RHOH: variants seen among roughly 807,000 people sequenced by gnomAD.
The protein encoded by RHOH is rho-related GTP-binding protein RhoH.
RHOH carries 6 observed loss-of-function variants against 13.8 expected under a neutral mutation model. The ratio of observed to expected loss-of-function variants is 0.44; its 90% CI spans 0.24 to 0.86. The LOEUF is 0.86. Among genes scored for constraint, RHOH ranks in the 40% least tolerant of loss-of-function variants. The pLI, the probability that RHOH is intolerant of heterozygous loss-of-function variation, is 0.24. For synonymous variants in RHOH, 117 were observed against 103.0 expected, an observed-to-expected ratio of 1.14 and a Z score of -0.82; for missense variants, 147 against 244.5, an observed-to-expected ratio of 0.60 and a Z score of 2.66.
chr4:40,232,764 C>A (rs1214459596), intron 1 of RHOH, among the ~76,000 whole-genome samples: 1 of 152,188 alleles, frequency 6.6e-6, no homozygotes, highest in Non-Finnish European at 1.5e-5. Context: ...CCTCCCTGAA[C>A]TTCTTCTACT....
intron 1 of RHOH, among the ~76,000 whole-genome samples, chr4:40,241,783 G>A (rs189594406): frequency 3.7e-4 from 56 of 152,264 alleles, no homozygotes; most frequent in Non-Finnish European, 7.8e-4. Context: ...CCAGCTACTC[G>A]GGAGGCTGAG....
chr4:40,195,454 T>C (rs1579210309), upstream of RHOH, among the ~76,000 whole-genome samples: 2 of 149,860 alleles, frequency 1.3e-5, no homozygotes, highest in East Asian at 4.0e-4. Flanking sequence ...CTTCCCTCCT[T>C]CTGTCTGTCC....
At chr4:40,191,439 A>G (rs1009099720), upstream of RHOH, 1 of 152,176 alleles carries the variant, frequency 6.6e-6, no homozygotes, top group Non-Finnish European at 1.5e-5. Context: ...TCTCTCAAGG[A>G]TATTGTAAAA....
chr4:40,228,578 A>T (rs953689467), intron 1 of RHOH, among the ~76,000 whole-genome samples: 7 of 151,998 alleles, frequency 4.6e-5, no homozygotes, highest in Non-Finnish European at 7.4e-5. Flanking sequence ...GATGGGGGGA[A>T]CCTTGAGATG....
At chr4:40,203,174 G>A (rs770212371) in intron 1 of RHOH, among the ~76,000 whole-genome samples, 133 of 152,182 alleles carry the variant, frequency 8.7e-4, no homozygotes, top group Non-Finnish European at 1.3e-3. Flanking sequence ...GAGTTTCACC[G>A]TGTTAGCCAG....
In RHOH at chr4:40,218,142, C is replaced by G. The variant is rs1407878748; in HGVS notation, c.-331+20842C>G. ...GACCCACGGCTGCCTTTTTGTCCGG[C>G]AAAGCACGAGGATGCTTTGGAGAAC... On this transcript the variant is annotated intron_variant, in intron 1 of 2. Transcript: ENST00000381799. The surrounding 1 kb of genome is among the most constrained non-coding windows in gnomAD (Gnocchi z 4.1). 2 of 152,158 alleles carry G rather than the reference C, an allele frequency of 1.3e-5. No individual in the cohort carries two copies. Among genetic ancestry groups the G allele is most frequent in the Admixed American group, 1.3e-4 (2 of 15,268 alleles). 9.4% of individuals were successfully genotyped at this position (152,158 alleles called of 1,614,324 possible). A position where few individuals can be genotyped will look rare whatever the true frequency, so the allele number is the denominator to read the frequency against.
rs1220322065 is a variant in RHOH, at chr4:40,246,654, G to A, written c.*2692G>A. ...GGCTCAGCACAGGGAAGGCAATGGA[G>A]GTAAAGTTGTGTTAAACTGAAATGG... On this transcript the variant is annotated 3_prime_UTR_variant, in exon 3 of 3. Coordinates refer to ENST00000381799, the MANE Select transcript of RHOH (RefSeq NM_004310.5). 1 of 152,304 alleles carries A rather than the reference G, an allele frequency of 6.6e-6. No homozygotes were observed. Among genetic ancestry groups the A allele is most frequent in the Non-Finnish European group, 1.5e-5 (1 of 68,116 alleles). 9.4% of individuals were successfully genotyped at this position (152,304 alleles called of 1,614,324 possible). A position where few individuals can be genotyped will look rare whatever the true frequency, so the allele number is the denominator to read the frequency against.
At chr4:40,236,562 A>G (rs7654725) in intron 1 of RHOH, among the ~76,000 whole-genome samples, 30,825 of 151,972 alleles carry the variant, frequency 0.2, 3,898 homozygotes, top group African/African-American at 0.36. Context: ...AAGCTGAGGC[A>G]GGTGAATCAC....
In RHOH at chr4:40,232,687, C is replaced by T. The variant is rs548007606; in HGVS notation, c.-330-10027C>T. 1.6e-4 allele frequency among the ~76,000 whole-genome samples: 24 copies of T among 152,236 alleles called. No individual in the cohort carries two copies. The South Asian group carries it at 4.6e-3, about 29-fold the overall frequency. On this transcript the variant is annotated intron_variant, in intron 1 of 2. Coordinates refer to ENST00000381799, the MANE Select transcript of RHOH (RefSeq NM_004310.5). ...GGCAACCTTGGATTGTATAAAATCACAGGCTCATCTCCCATAATCCCTCCA... is the reference window on the plus strand; with the variant it reads ...GGCAACCTTGGATTGTATAAAATCATAGGCTCATCTCCCATAATCCCTCCA...
At chr4:40,227,587 G>C (rs1264285550) in intron 1 of RHOH, among the ~76,000 whole-genome samples, 1 of 152,112 alleles carries the variant, frequency 6.6e-6, no homozygotes, top group Non-Finnish European at 1.5e-5. Context: ...TTTACATTCT[G>C]TTTAGGGTTT....
At chr4:40,225,050 A>G (rs1727054796) in intron 1 of RHOH, among the ~76,000 whole-genome samples, 1 of 152,208 alleles carries the variant, frequency 6.6e-6, no homozygotes, top group Non-Finnish European at 1.5e-5. Flanking sequence ...CTAAGGCTAC[A>G]GGTACATGCT....
intron 1 of RHOH, among the ~76,000 whole-genome samples, chr4:40,210,089 C>CGTGCGTGT (rs1553933900): frequency 2.7e-5 from 4 of 145,458 alleles, no homozygotes; most frequent in African/African-American, 7.6e-5. Context: ...ACATTGTGTG[C>CGTGCGTGT]GTGTGTGTGT....
intron 1 of RHOH, among the ~76,000 whole-genome samples, chr4:40,202,584 C>T (rs1445676479): frequency 2.6e-5 from 4 of 152,222 alleles, no homozygotes; most frequent in African/African-American, 7.2e-5. Flanking sequence ...TACCTTTAAC[C>T]GGTAGATGTT....
At chr4:40,217,362 G>A (rs1201266819) in intron 1 of RHOH, among the ~76,000 whole-genome samples, 2 of 152,116 alleles carry the variant, frequency 1.3e-5, no homozygotes, top group African/African-American at 2.4e-5. Flanking sequence ...AGGATCATGC[G>A]ATTTTATTTT....
At chr4:40,197,782 T>A (rs566594814) in intron 1 of RHOH, among the ~76,000 whole-genome samples, 1 of 152,356 alleles carries the variant, frequency 6.6e-6, no homozygotes. Flanking sequence ...TTAATGACCA[T>A]TTCCCAAAAG....
At chr4:40,224,973 G>C (rs761347231) in intron 1 of RHOH, among the ~76,000 whole-genome samples, 2 of 152,114 alleles carry the variant, frequency 1.3e-5, no homozygotes, top group Admixed American at 6.5e-5. Context: ...GCAGTGTTGT[G>C]ATCATGGCTC....
At chr4:40,197,828 A>G (rs1263588274) in intron 1 of RHOH, among the ~76,000 whole-genome samples, 1 of 152,210 alleles carries the variant, frequency 6.6e-6, no homozygotes, top group Admixed American at 6.5e-5. Flanking sequence ...TTTTAATTAA[A>G]TTTAATCTTT....
At chr4:40,195,355 T>TTCCC (rs1384573532), upstream of RHOH, among the ~76,000 whole-genome samples, 3 of 9,802 alleles carry the variant, frequency 3.1e-4, no homozygotes, top group Admixed American at 1.1e-3. Flanking sequence ...TTTCTTTCTT[T>TTCCC]TCCTTCCTTC....
intron 1 of RHOH, among the ~76,000 whole-genome samples, chr4:40,209,952 A>T (rs1725059563): frequency 6.6e-6 from 1 of 152,204 alleles, no homozygotes; most frequent in African/African-American, 2.4e-5. Flanking sequence ...AAGTTTGTTA[A>T]TTCAAAATGC....
Sources: allele counts gnomAD v4.1 joint callset (sites outside exome capture counted in the v4.1 genomes callset), GRCh38; gene constraint gnomAD v4.1.1; non-coding constraint Gnocchi (gnomAD v3.1); transcripts MANE v1.5; gene names NCBI Gene and HGNC (gene_info 2026-07-23, HGNC 2026-07-21).